The following NOL4 variants were observed in gnomAD, a reference collection of about 807,000 sequenced individuals.
NOL4 encodes cancer/testis antigen 125.
In NOL4, 17 loss-of-function variants were observed where a neutral mutation model predicts 75.9. The observed-to-expected ratio is 0.22, with a 90% CI of 0.15 to 0.34. The LOEUF is 0.34. NOL4 is among the 10% of genes least tolerant of loss of function. NOL4 has a pLI of 1.00. For missense variants in NOL4, 614 were observed against 793.5 expected, an observed-to-expected ratio of 0.77 and a Z score of 2.72; for synonymous variants, 292 against 289.9, an observed-to-expected ratio of 1.01 and a Z score of -0.07.
At chr18:34,008,616 C>T (rs1358929652) in intron 6 of NOL4, among the ~76,000 whole-genome samples, 2 of 151,876 alleles carry the variant, frequency 1.3e-5, no homozygotes, top group East Asian at 1.9e-4. Context: ...TTGAGAATCG[C>T]AATGCAAAGC....
At chr18:34,186,548 C>T (rs775541431) in intron 1 of NOL4, among the ~76,000 whole-genome samples, 9 of 152,312 alleles carry the variant, frequency 5.9e-5, no homozygotes, top group Non-Finnish European at 8.8e-5. Context: ...TTCCATTACT[C>T]TACCAATTGC....
chr18:34,006,372 T>C (rs1275221622), intron 6 of NOL4, among the ~76,000 whole-genome samples: 2 of 152,066 alleles, frequency 1.3e-5, no homozygotes, highest in African/African-American at 4.8e-5. Flanking sequence ...GCATTTCAAT[T>C]GGTAAACAGA....
chr18:33,853,805 G>C (rs1241946981), intron 10 of NOL4, among the ~76,000 whole-genome samples: 1 of 152,040 alleles, frequency 6.6e-6, no homozygotes, highest in Non-Finnish European at 1.5e-5. Context: ...ACACATTCAT[G>C]TGCCGAAACC....
chr18:33,991,110 A>G (rs564432176), intron 6 of NOL4, among the ~76,000 whole-genome samples: 1 of 152,024 alleles, frequency 6.6e-6, no homozygotes, highest in Admixed American at 6.6e-5. Context: ...ATTCAACTTA[A>G]ATATTTAATT....
rs144334895 is a variant in NOL4 at position 34,187,454 on chromosome 18, G to A, written c.264+35536C>T. The stretch of plus-strand genomic sequence containing the variant: ...GTGCAGTGGCGCATCTCCACTCACC[G>A]CAAGCTCCGCCTCCCGGGTTTACGC... On this transcript the variant is annotated intron_variant, in intron 1 of 10. Transcript: ENST00000261592. Among the ~76,000 whole-genome samples the A allele has an allele frequency of 7.4e-3, 955 of 128,394 alleles. 15 individuals carry two copies. Among genetic ancestry groups the A allele is most frequent in the African/African-American group, 0.027 (905 of 33,146 alleles). 84.2% of individuals were successfully genotyped at this position (128,394 alleles called of 152,430 possible).
chr18:33,862,029 G>T (rs368224402), intron 10 of NOL4, among the ~76,000 whole-genome samples: 1 of 152,072 alleles, frequency 6.6e-6, no homozygotes, highest in East Asian at 1.9e-4. Flanking sequence ...ATACTACAAG[G>T]CTACAGTAAC....
intron 1 of NOL4, among the ~76,000 whole-genome samples, chr18:34,201,073 G>C (rs1221309702): frequency 6.6e-6 from 1 of 151,758 alleles, no homozygotes; most frequent in East Asian, 1.9e-4. Flanking sequence ...CAAAGAAAAA[G>C]AGAGGGAGAA....
intron 9 of NOL4, among the ~76,000 whole-genome samples, chr18:33,934,455 A>G (rs537181555): frequency 2.0e-5 from 3 of 152,270 alleles, no homozygotes; most frequent in Admixed American, 6.5e-5. Flanking sequence ...CCTTTTCCCA[A>G]TGATTCACTA....
chr18:34,154,296 G>A (rs2029926028), intron 1 of NOL4, among the ~76,000 whole-genome samples: 1 of 151,972 alleles, frequency 6.6e-6, no homozygotes, highest in Non-Finnish European at 1.5e-5. Context: ...AAAGTTTAAT[G>A]AATGTACACA....
intron 5 of NOL4, among the ~76,000 whole-genome samples, chr18:34,059,661 G>T (rs981106146): frequency 1.3e-5 from 2 of 152,108 alleles, no homozygotes; most frequent in Non-Finnish European, 2.9e-5. Flanking sequence ...ATCTGGAGTG[G>T]TCTGGTCTGG....
intron 2 of NOL4, among the ~76,000 whole-genome samples, chr18:34,112,140 AG>A (rs2079619922): frequency 1.3e-5 from 2 of 152,132 alleles, no homozygotes; most frequent in Middle Eastern, 3.2e-3. Context: ...AGGCTGAGGC[AG>A]GTGAATCACC....
At chr18:34,061,145 T>C (rs1191125254) in intron 5 of NOL4, among the ~76,000 whole-genome samples, 2 of 152,144 alleles carry the variant, frequency 1.3e-5, no homozygotes, top group African/African-American at 4.8e-5. Context: ...AGCACTCACT[T>C]AAATGTTATA....
chr18:34,074,189 A>T (rs182238802), intron 5 of NOL4, among the ~76,000 whole-genome samples: 2 of 151,856 alleles, frequency 1.3e-5, no homozygotes, highest in Non-Finnish European at 3.0e-5. Flanking sequence ...TGTAAATCTC[A>T]AATAATTGGA....
At chr18:33,870,702 T>TA (rs957503584) in intron 10 of NOL4, among the ~76,000 whole-genome samples, 53 of 149,726 alleles carry the variant, frequency 3.5e-4, no homozygotes, top group African/African-American at 4.2e-4. Context: ...GAATAAAATG[T>TA]AAAAAAAAAA....
chr18:33,872,257 A>C (rs974414229), intron 10 of NOL4, among the ~76,000 whole-genome samples: 3 of 151,938 alleles, frequency 2.0e-5, no homozygotes, highest in Non-Finnish European at 4.4e-5. Flanking sequence ...ATTCTTTTAA[A>C]ATTTGTTTTG....
At chr18:33,991,029 T>G (rs2072876282) in intron 6 of NOL4, among the ~76,000 whole-genome samples, 1 of 152,084 alleles carries the variant, frequency 6.6e-6, no homozygotes, top group Admixed American at 6.6e-5. Context: ...CCTGCCTTCA[T>G]AAAGGTGTCC....
chr18:34,154,450 T>C (rs2029958049), intron 1 of NOL4, among the ~76,000 whole-genome samples: 1 of 152,022 alleles, frequency 6.6e-6, no homozygotes, highest in South Asian at 2.1e-4. Flanking sequence ...CAACATAGAC[T>C]CGTGTTGCCT....
chr18:33,958,185 C>T (rs1459947190), intron 7 of NOL4, 54 bp downstream of exon 7: 2 of 1,436,914 alleles, frequency 1.4e-6, no homozygotes, highest in Non-Finnish European at 1.9e-6. Flanking sequence ...CAAGCAACAA[C>T]ATGAAAGTGA....
intron 6 of NOL4, among the ~76,000 whole-genome samples, chr18:33,984,965 C>G (rs1348632792): frequency 6.6e-6 from 1 of 151,990 alleles, no homozygotes; most frequent in Non-Finnish European, 1.5e-5. Context: ...TTCCCCTTCC[C>G]CCTTTTGTTA....
Sources: allele counts gnomAD v4.1 joint callset (sites outside exome capture counted in the v4.1 genomes callset), GRCh38; gene constraint gnomAD v4.1.1; transcripts MANE v1.5; gene names NCBI Gene and HGNC (gene_info 2026-07-23, HGNC 2026-07-21).